The following PACRG variants were observed in gnomAD, a reference collection of about 807,000 sequenced individuals.
PACRG encodes parkin coregulated gene protein.
PACRG carries 29 observed loss-of-function variants against 29.7 expected under a neutral mutation model. The observed-to-expected ratio is 0.98, with a 90% confidence interval of 0.73 to 1.33. PACRG has a LOEUF of 1.33. Among genes scored for constraint, PACRG ranks in the 40% most tolerant of loss-of-function variants. PACRG has a pLI of 0.00. For synonymous variants in PACRG, 116 were observed against 118.7 expected (o/e 0.98, Z 0.15); for missense variants, 279 against 316.2 (o/e 0.88, Z 0.89).
In PACRG at chr6:163,102,584, A is replaced by T. The variant is rs73593747; in HGVS notation, c.613+13176A>T. Reference sequence around the variant, plus strand: ...AGTATTTTTTTTCCAAATCTTTGCTAGGAGCTGCAATGTATATGATTTTTG... The same window carrying T: ...AGTATTTTTTTTCCAAATCTTTGCTTGGAGCTGCAATGTATATGATTTTTG... On this transcript the variant is annotated intron_variant, in intron 4 of 4. Coordinates refer to ENST00000366888, the MANE Select transcript of PACRG (RefSeq NM_001080379.2). Among the ~76,000 whole-genome samples the T allele has an allele frequency of 5.2e-3, 787 of 152,310 alleles. 9 individuals carry two copies. The highest frequency in any genetic ancestry group is 0.018 in the African/African-American group (764 of 41,564).
In PACRG at chr6:162,944,445, A is replaced by G. The variant is rs150922625; in HGVS notation, c.292-117705A>G. ...GGAACTATGACACCTCAAAAGAAAT[A>G]CAATAATTTTCTAGCAACACATTCC... On this transcript the variant is annotated intron_variant, in intron 2 of 4. Transcript: ENST00000366888. 1.1e-4 allele frequency among the ~76,000 whole-genome samples: 17 copies of G among 152,358 alleles called. No homozygotes were observed. The South Asian group carries it at 2.9e-3, about 26-fold the overall frequency.
At chr6:163,141,448 T>G (rs1318581450) in intron 4 of PACRG, among the ~76,000 whole-genome samples, 3 of 149,732 alleles carry the variant, frequency 2.0e-5, no homozygotes, top group Non-Finnish European at 4.4e-5. Flanking sequence ...GTATGTGTTT[T>G]TTTTTTTTTT....
At chr6:163,073,109 A>G (rs1812227257) in intron 3 of PACRG, among the ~76,000 whole-genome samples, 1 of 152,204 alleles carries the variant, frequency 6.6e-6, no homozygotes, top group Non-Finnish European at 1.5e-5. Context: ...ACAATTTTAA[A>G]TTTTATATGA....
chr6:163,277,770 A>G (rs1425239460), intron 4 of PACRG, among the ~76,000 whole-genome samples: 1 of 151,524 alleles, frequency 6.6e-6, no homozygotes, highest in Non-Finnish European at 1.5e-5. Flanking sequence ...ATGTTTTTGC[A>G]ATTGTAAATT....
At chr6:162,941,261 A>T (rs545755609) in intron 2 of PACRG, among the ~76,000 whole-genome samples, 1 of 152,144 alleles carries the variant, frequency 6.6e-6, no homozygotes, top group East Asian at 1.9e-4. Context: ...TTAGGAGGTT[A>T]TTTCATTTCT....
intron 1 of PACRG, among the ~76,000 whole-genome samples, chr6:162,779,284 A>C (rs1206268998): frequency 6.6e-6 from 1 of 152,216 alleles, no homozygotes; most frequent in Non-Finnish European, 1.5e-5. Context: ...TCTGTCGTCA[A>C]CGAGCATTCG....
At chr6:163,028,849 A>C (rs1807390909) in intron 2 of PACRG, among the ~76,000 whole-genome samples, 1 of 152,212 alleles carries the variant, frequency 6.6e-6, no homozygotes, top group East Asian at 1.9e-4. Flanking sequence ...TGTTGGAAGT[A>C]TCATTTTACA....
At chr6:162,951,851 AG>A (rs1799678509) in intron 2 of PACRG, among the ~76,000 whole-genome samples, 1 of 152,086 alleles carries the variant, frequency 6.6e-6, no homozygotes, top group Non-Finnish European at 1.5e-5. Context: ...CTTACTGGGG[AG>A]GGGAGCACTA....
chr6:163,167,956 G>A (rs922204471), intron 4 of PACRG, among the ~76,000 whole-genome samples: 5 of 152,154 alleles, frequency 3.3e-5, no homozygotes, highest in Admixed American at 2.0e-4. Context: ...TACTCTTTCC[G>A]ATAGTTCCCA....
chr6:163,251,063 G>A (rs1782883895), intron 4 of PACRG, among the ~76,000 whole-genome samples: 1 of 151,848 alleles, frequency 6.6e-6, no homozygotes, highest in African/African-American at 2.4e-5. Flanking sequence ...TAAGCTATGA[G>A]AATGCAAAGG....
At chr6:162,798,115 T>A (rs1183969925) in intron 1 of PACRG, among the ~76,000 whole-genome samples, 1 of 152,208 alleles carries the variant, frequency 6.6e-6, no homozygotes, top group Non-Finnish European at 1.5e-5. Context: ...TACTGCTGAA[T>A]TGAATTGATT....
chr6:162,843,430 C>T (rs1198639522), intron 2 of PACRG, among the ~76,000 whole-genome samples: 2 of 144,852 alleles, frequency 1.4e-5, no homozygotes, highest in East Asian at 2.1e-4. Flanking sequence ...AGTTCTCGAG[C>T]CTTGGTTTTC....
At chr6:163,221,874 G>A (rs2128159465) in intron 4 of PACRG, among the ~76,000 whole-genome samples, 1 of 152,246 alleles carries the variant, frequency 6.6e-6, no homozygotes, top group East Asian at 1.9e-4. Context: ...ACTGGGTCGT[G>A]GGACCTTGCA....
chr6:162,895,184 G>T (rs1795073773), intron 2 of PACRG, among the ~76,000 whole-genome samples: 1 of 148,868 alleles, frequency 6.7e-6, no homozygotes, highest in African/African-American at 2.5e-5. Flanking sequence ...AAGGGAAGAT[G>T]GCTTGAGCCC....
At chr6:163,117,989 G>C (rs1043504195) in intron 4 of PACRG, among the ~76,000 whole-genome samples, 1 of 152,118 alleles carries the variant, frequency 6.6e-6, no homozygotes, top group Non-Finnish European at 1.5e-5. Flanking sequence ...AGTGATGAAG[G>C]CTGACTTAAG....
intron 2 of PACRG, among the ~76,000 whole-genome samples, chr6:162,931,478 A>G (rs1797849128): frequency 6.6e-6 from 1 of 151,904 alleles, no homozygotes; most frequent in South Asian, 2.1e-4. Flanking sequence ...GGTCCATGAT[A>G]GTTTGAGTTA....
At chr6:163,261,625 G>A (rs1466437101) in intron 4 of PACRG, among the ~76,000 whole-genome samples, 1 of 152,236 alleles carries the variant, frequency 6.6e-6, no homozygotes, top group Non-Finnish European at 1.5e-5. Context: ...CGGCCCTGCT[G>A]GTCAGCCCTG....
chr6:163,234,801 G>A (rs750775644), intron 4 of PACRG, among the ~76,000 whole-genome samples: 8 of 152,212 alleles, frequency 5.3e-5, no homozygotes, highest in Non-Finnish European at 1.2e-4. Flanking sequence ...CAACAATGCT[G>A]TCTTGGGTAA....
At chr6:163,072,480 G>A (rs1006601900) in intron 3 of PACRG, among the ~76,000 whole-genome samples, 7 of 152,032 alleles carry the variant, frequency 4.6e-5, no homozygotes, top group Admixed American at 1.3e-4. Context: ...AGCCACGTAC[G>A]ACAGACTCAC....
Sources: gnomAD v4.1 joint callset for allele counts (sites outside exome capture counted in the v4.1 genomes callset) on GRCh38, gnomAD v4.1.1 for gene constraint, MANE v1.5 for transcripts, NCBI Gene and HGNC (gene_info 2026-07-23, HGNC 2026-07-21) for gene names.